Variants in SYT10 observed in about 807,000 individuals in gnomAD.
SYT10 encodes synaptotagmin-10.
SYT10 carries 31 observed loss-of-function variants against 51.1 expected under a neutral mutation model. The observed-to-expected ratio is 0.61, with a 90% CI of 0.46 to 0.82. The LOEUF is 0.82. Ranked by LOEUF, SYT10 falls within the 40% of genes least tolerant of loss-of-function variation. The probability of loss-of-function intolerance (pLI) is 0.00; values close to 1 mark genes in which losing one functional copy is unlikely to be tolerated. For synonymous variants in SYT10, 233 were observed against 225.9 expected, an observed-to-expected ratio of 1.03 and a Z score of -0.28; for missense variants, 603 against 634.0, an observed-to-expected ratio of 0.95 and a Z score of 0.53.
chr12:33,386,326 A>T (rs1212348470), intron 3 of SYT10, among the ~76,000 whole-genome samples: 2 of 152,174 alleles, frequency 1.3e-5, no homozygotes. Context: ...CGTCACACAC[A>T]TAAGGTTTAT....
chr12:33,434,372 TGG>T (rs1866620709), intron 1 of SYT10, among the ~76,000 whole-genome samples: 1 of 152,238 alleles, frequency 6.6e-6, no homozygotes, highest in African/African-American at 2.4e-5. Context: ...TATTAGATAC[TGG>T]TGACACAAAA....
chr12:33,414,010 CA>C (rs1866431689), intron 2 of SYT10, among the ~76,000 whole-genome samples: 1 of 151,406 alleles, frequency 6.6e-6, no homozygotes, highest in Non-Finnish European at 1.5e-5. Flanking sequence ...AAATGGAAAA[CA>C]AAAAAAGGCA....
chr12:33,402,122 C>A (rs1266147778), intron 3 of SYT10, among the ~76,000 whole-genome samples: 2 of 152,174 alleles, frequency 1.3e-5, no homozygotes, highest in East Asian at 3.9e-4. Context: ...CCACTCTGAT[C>A]CATTGTACAC....
At chr12:33,421,157 G>C (rs992517834) in intron 2 of SYT10, among the ~76,000 whole-genome samples, 12 of 151,936 alleles carry the variant, frequency 7.9e-5, no homozygotes, top group Non-Finnish European at 1.3e-4. Context: ...TTATAATAAT[G>C]CACATTAAGC....
chr12:33,434,462 GT>G (rs1448057820), intron 1 of SYT10, among the ~76,000 whole-genome samples: 1 of 152,164 alleles, frequency 6.6e-6, no homozygotes, highest in Admixed American at 6.5e-5. Context: ...AAATAATAAA[GT>G]TGAAGCTTCT....
At chr12:33,388,043 A>G (rs1250724399) in intron 3 of SYT10, among the ~76,000 whole-genome samples, 2 of 152,094 alleles carry the variant, frequency 1.3e-5, no homozygotes, top group South Asian at 2.1e-4. Flanking sequence ...CACACACGCA[A>G]TGTGGAGATG....
At chr12:33,405,045 C>T (rs1470969857) in intron 3 of SYT10, 1 of 151,834 alleles carries the variant, frequency 6.6e-6, no homozygotes, top group Non-Finnish European at 1.5e-5. Flanking sequence ...ATCTCCTAGT[C>T]GATTATACTA....
chr12:33,434,924 T>G (rs1866625978), intron 1 of SYT10, among the ~76,000 whole-genome samples: 1 of 152,254 alleles, frequency 6.6e-6, no homozygotes, highest in African/African-American at 2.4e-5. Flanking sequence ...GACATGCTAT[T>G]GACTTAATGT....
chr12:33,382,420 G>C lies in SYT10; in HGVS notation c.1299C>G (p.Ala433=). 1 of 1,612,992 alleles carries C rather than the reference G, an allele frequency of 6.2e-7. No individual in the cohort carries two copies. Among genetic ancestry groups the C allele is most frequent in the Non-Finnish European group, 8.5e-7 (1 of 1,179,486 alleles). The change falls in exon 5 of 7, where the codon GCC becomes GCG. Residue 433 remains alanine, a synonymous_variant. Coordinates refer to ENST00000228567, the MANE Select transcript of SYT10 (RefSeq NM_198992.4). ...TCTCTGGAGGGATGTCAAAAATAAT[G>C]GCCTCATTGTACACAGGGTTTAGAG... ...KNTLNPVYNE[A]IIFDIPPENV...
intron 3 of SYT10, among the ~76,000 whole-genome samples, chr12:33,388,074 T>C (rs1866173585): frequency 1.3e-5 from 2 of 151,896 alleles, no homozygotes; most frequent in South Asian, 4.2e-4. Flanking sequence ...TAGCAGTAAG[T>C]TTAGTGAAGA....
rs529824417 is a variant in SYT10, at chr12:33,417,507, T to C, written c.509+8631A>G. On this transcript the variant is annotated intron_variant, in intron 2 of 6. Transcript: ENST00000228567. ...AACTGTAAGAAATAAATTCATTTTC[T>C]TTATAAATGATCCAGCTTCTGGTAT... Among the ~76,000 whole-genome samples, 6 of 152,350 alleles carry C rather than the reference T, an allele frequency of 3.9e-5. No homozygotes were observed. The East Asian group carries it at 1.2e-3, about 29-fold the overall frequency.
At chr12:33,380,107 T>A in intron 5 of SYT10, 146 bp from the exon 6 acceptor site, 1 of 816,890 alleles carries the variant, frequency 1.2e-6, no homozygotes, top group Non-Finnish European at 1.8e-6. Flanking sequence ...GAATGAAATC[T>A]CTTAAGTAAA....
rs1866664485 is a variant in SYT10, at chr12:33,439,336, G to A, written c.151+36C>T. ...GCAGCCTAGCGCGCGGGGTCCCAGC[G>A]GAGCGCGAGGACGCGAGCGGAGCCC... On this transcript the variant is annotated intron_variant, in intron 1 of 6. Transcript: ENST00000228567. 1.9e-6 allele frequency: 3 copies of A among 1,592,968 alleles called. 1 individual carries two copies. In the South Asian group the frequency reaches 3.4e-5, roughly 18 times the overall value.
At chr12:33,411,044 G>T (rs891235436) in intron 2 of SYT10, among the ~76,000 whole-genome samples, 2 of 152,174 alleles carry the variant, frequency 1.3e-5, no homozygotes, top group African/African-American at 4.8e-5. Context: ...CTGAGGCACA[G>T]AGAAGTGAGT....
chr12:33,395,424 C>G, intron 3 of SYT10, among the ~76,000 whole-genome samples: 2 of 152,282 alleles, frequency 1.3e-5, no homozygotes, highest in East Asian at 3.9e-4. Context: ...TTAACAGTAT[C>G]TTTGGAACCT....
At chr12:33,378,709 C>A (rs1202381365) in intron 6 of SYT10, among the ~76,000 whole-genome samples, 3 of 152,102 alleles carry the variant, frequency 2.0e-5, no homozygotes, top group Non-Finnish European at 4.4e-5. Flanking sequence ...CTTTAGACAA[C>A]ATCCACTGTT....
chr12:33,392,145 G>A (rs1333518700), intron 3 of SYT10, among the ~76,000 whole-genome samples: 1 of 152,146 alleles, frequency 6.6e-6, no homozygotes, highest in Non-Finnish European at 1.5e-5. Flanking sequence ...TCTCTATAGA[G>A]CTCTCTAGTC....
intron 1 of SYT10, among the ~76,000 whole-genome samples, chr12:33,427,608 G>A (rs943248062): frequency 1.3e-5 from 2 of 152,074 alleles, no homozygotes; most frequent in Admixed American, 6.6e-5. Context: ...AAAATAAAAC[G>A]AAAATTATGC....
At chr12:33,379,036 A>G in intron 6 of SYT10, among the ~76,000 whole-genome samples, 1 of 152,144 alleles carries the variant, frequency 6.6e-6, no homozygotes, top group East Asian at 1.9e-4. Context: ...AACAAAGCCA[A>G]GGTCACTTTT....
Sources: gnomAD v4.1 joint callset for allele counts (sites outside exome capture counted in the v4.1 genomes callset) on GRCh38, gnomAD v4.1.1 for gene constraint, MANE v1.5 for transcripts, NCBI Gene and HGNC (gene_info 2026-07-23, HGNC 2026-07-21) for gene names.